The following KLHL22 variants were observed in gnomAD, a reference collection of about 807,000 sequenced individuals.
KLHL22 encodes the protein kelch-like protein 22.
KLHL22 carries 18 observed loss-of-function variants against 60.7 expected under a neutral mutation model. The ratio of observed to expected loss-of-function variants is 0.30; its 90% CI spans 0.20 to 0.44. The LOEUF (loss-of-function observed/expected upper bound fraction) is 0.44, where lower values mean the gene tolerates loss of function less well. Among genes scored for constraint, KLHL22 ranks in the 20% least tolerant of loss-of-function variants. KLHL22 has a pLI of 1.00. For missense variants in KLHL22, 596 were observed against 852.3 expected, an observed-to-expected ratio of 0.70 and a Z score of 3.74; for synonymous variants, 355 against 354.5, an observed-to-expected ratio of 1.00 and a Z score of -0.01.
At chr22:20,471,867 A>T (rs1453888144) in intron 2 of KLHL22, among the ~76,000 whole-genome samples, 1 of 152,200 alleles carries the variant, frequency 6.6e-6, no homozygotes, top group Non-Finnish European at 1.5e-5. Context: ...TTTCAAAGCA[A>T]TGAATTAATT....
In KLHL22 at chr22:20,465,216, C is replaced by A. The variant is rs1402078279; in HGVS notation, c.754G>T (p.Glu252Ter). 1 of 1,613,866 alleles carries A rather than the reference C, an allele frequency of 6.2e-7. No individual in the cohort carries two copies. The highest frequency in any genetic ancestry group is 2.2e-5 in the East Asian group (1 of 44,888). ...ETVRFPLMEA[E>*]VLQRLHDKLD... ...TTGTCATGCAGCCGCTGCAGGACCT[C>A]AGCTTCCATCAGCGGAAACCGCACT... The change falls in exon 4 of 7, where the codon GAG becomes TAG. Residue 252 changes from glutamate (E) to a stop codon, truncating the protein, a stop_gained. Transcript: ENST00000328879. LOFTEE classifies it high-confidence loss of function. The surrounding 1 kb of genome is among the most constrained non-coding windows in gnomAD (Gnocchi z 4.9).
rs1298267799 is a variant in KLHL22, at chr22:20,465,810, T to C, written c.394-234A>G. On this transcript the variant is annotated intron_variant, in intron 3 of 6. Coordinates refer to ENST00000328879, the MANE Select transcript of KLHL22 (RefSeq NM_032775.4). This position sits in a 1 kb window ranked among gnomAD's most constrained non-coding sequence, Gnocchi z 4.9. ...GACAGGATATACAGCATGTTTTTTT[T>C]TGGTTTTGTTTTGCTTTTCTTTGAG... 1.3e-5 allele frequency among the ~76,000 whole-genome samples: 2 copies of C among 152,076 alleles called. No individual in the cohort carries two copies. The highest frequency in any genetic ancestry group is 2.4e-5 in the African/African-American group (1 of 41,414).
chr22:20,475,860 C>A (rs2053403829), intron 2 of KLHL22, among the ~76,000 whole-genome samples: 1 of 152,234 alleles, frequency 6.6e-6, no homozygotes, highest in Admixed American at 6.5e-5. Context: ...CCGCACCCAG[C>A]CCCTTCCTCT....
At chr22:20,490,124 A>G (rs1178693352) in intron 1 of KLHL22, among the ~76,000 whole-genome samples, 2 of 152,222 alleles carry the variant, frequency 1.3e-5, no homozygotes, top group Non-Finnish European at 2.9e-5. Flanking sequence ...GGCATGGCCA[A>G]GCTGCAGGCT....
chr22:20,471,536 A>G (rs372393406), intron 2 of KLHL22, 21 bp from the exon 3 acceptor site: 185 of 1,610,798 alleles, frequency 1.1e-4, no homozygotes, highest in Middle Eastern at 1.6e-4. Flanking sequence ...AAGACACAAG[A>G]AAATGGAGTT....
intron 5 of KLHL22, among the ~76,000 whole-genome samples, chr22:20,449,649 G>A (rs1017108056): frequency 4.6e-5 from 7 of 151,568 alleles, no homozygotes; most frequent in East Asian, 2.0e-4. Context: ...CTCGTGATCC[G>A]CTCACTTCAG....
intron 5 of KLHL22, among the ~76,000 whole-genome samples, chr22:20,455,644 A>C (rs2053051248): frequency 6.6e-6 from 1 of 152,132 alleles, no homozygotes; most frequent in African/African-American, 2.4e-5. Flanking sequence ...CTAACCCCAC[A>C]AGGAACTTTC....
chr22:20,452,265 T>G (rs190343201), intron 5 of KLHL22, among the ~76,000 whole-genome samples: 3 of 152,060 alleles, frequency 2.0e-5, no homozygotes, highest in East Asian at 3.9e-4. Context: ...CAAGTCTTTT[T>G]TTTTTCCAGG....
At chr22:20,488,819 A>G (rs1391166001) in intron 2 of KLHL22, 166 bp downstream of exon 2, 6 of 637,474 alleles carry the variant, frequency 9.4e-6, no homozygotes, top group Non-Finnish European at 1.6e-5. Context: ...AATGAACTCT[A>G]AGACCCCCTT....
chr22:20,450,638 T>C (rs2052962054), intron 5 of KLHL22: 11 of 1,585,212 alleles, frequency 6.9e-6, no homozygotes, highest in Admixed American at 1.7e-5. Flanking sequence ...TTCATTCTTC[T>C]GAGGCAAGGA....
chr22:20,468,569 A>T (rs2053268188), intron 3 of KLHL22, among the ~76,000 whole-genome samples: 1 of 152,218 alleles, frequency 6.6e-6, no homozygotes, highest in African/African-American at 2.4e-5. Flanking sequence ...TCCAAAAGTC[A>T]CTAGCTATGT....
intron 4 of KLHL22, among the ~76,000 whole-genome samples, chr22:20,460,608 CCCAAAAAAAAAAAAAAAAAAAAA>C (rs2053137561): frequency 6.1e-5 from 2 of 32,684 alleles, no homozygotes; most frequent in East Asian, 2.8e-3. Context: ...AACTCCATCC[CCCAAAAAAAAAAAAAAAAAAAAA>C]AAAAAAAAAA....
At chr22:20,454,036 TA>T (rs1219891699) in intron 5 of KLHL22, among the ~76,000 whole-genome samples, 12 of 151,844 alleles carry the variant, frequency 7.9e-5, no homozygotes, top group African/African-American at 2.4e-4. Flanking sequence ...CGACCAGCAA[TA>T]AAAAAAAATT....
At position 20,441,796 on chromosome 22, in the gene KLHL22, A is replaced by G; in HGVS notation, c.*277T>C. 1 of 354,766 alleles carries G rather than the reference A, an allele frequency of 2.8e-6. No individual in the cohort carries two copies. The highest frequency in any genetic ancestry group is 5.1e-6 in the Non-Finnish European group (1 of 196,286). 22.0% of individuals were successfully genotyped at this position (354,766 alleles called of 1,614,324 possible). On this transcript the variant is annotated 3_prime_UTR_variant, in exon 7 of 7. Transcript: ENST00000328879. ...AAGGACTGATCTAGGCAGGGAGGAG[A>G]GAAGGCCAACCCCTCCAGGGCTCAC...
At chr22:20,453,089 T>C (rs1409118172) in intron 5 of KLHL22, among the ~76,000 whole-genome samples, 1 of 152,214 alleles carries the variant, frequency 6.6e-6, no homozygotes, top group African/African-American at 2.4e-5. Context: ...TCTTGTTTTA[T>C]GGGTATTGGG....
At chr22:20,446,291 TG>T in intron 6 of KLHL22, 151 bp downstream of exon 6, 1 of 645,498 alleles carries the variant, frequency 1.5e-6, no homozygotes, top group Non-Finnish European at 2.8e-6. Context: ...GTATGGAAAC[TG>T]TACCTTCCAC....
At chr22:20,451,352 T>C (rs1419189347) in intron 5 of KLHL22, 12 of 1,611,612 alleles carry the variant, frequency 7.4e-6, no homozygotes, top group Admixed American at 1.7e-5. Flanking sequence ...CTGGGAGATA[T>C]GCAGACAGCC....
chr22:20,468,082 T>C (rs2146227587), intron 3 of KLHL22, among the ~76,000 whole-genome samples: 1 of 151,040 alleles, frequency 6.6e-6, no homozygotes, highest in South Asian at 2.1e-4. Flanking sequence ...CAGGCAGGTA[T>C]GTGCCCTACA....
At chr22:20,443,748 A>C (rs1417425497) in intron 6 of KLHL22, among the ~76,000 whole-genome samples, 1 of 138,410 alleles carries the variant, frequency 7.2e-6, no homozygotes, top group African/African-American at 2.7e-5. Context: ...ACAAACAAAC[A>C]AAAAAAGTGG....
Sources: allele counts gnomAD v4.1 joint callset (sites outside exome capture counted in the v4.1 genomes callset), GRCh38; gene constraint gnomAD v4.1.1; non-coding constraint Gnocchi (gnomAD v3.1); transcripts MANE v1.5; gene names NCBI Gene and HGNC (gene_info 2026-07-23, HGNC 2026-07-21).